Variants in CDK6 observed in about 807,000 individuals in gnomAD.
CDK6 encodes cyclin-dependent kinase 6.
CDK6 carries 6 observed loss-of-function variants against 37.1 expected under a neutral mutation model. The observed-to-expected ratio is 0.16, with a 90% CI of 0.09 to 0.32. CDK6 has a LOEUF of 0.32. Among genes scored for constraint, CDK6 ranks in the 10% least tolerant of loss-of-function variants. CDK6 has a pLI of 1.00. For synonymous variants in CDK6, 160 were observed against 161.3 expected (o/e 0.99, Z 0.06); for missense variants, 224 against 418.9 (o/e 0.53, Z 4.06).
At chr7:92,693,241 T>TAAGAGAAAGAGATACAAG in intron 4 of CDK6, among the ~76,000 whole-genome samples, 1 of 152,192 alleles carries the variant, frequency 6.6e-6, no homozygotes. Context: ...TTACCTGGGT[T>TAAGAGAAAGAGATACAAG]AAGAGAAAGA....
Position 92,606,222 on chromosome 7 carries a change from C to T in CDK6, c.*8918G>A, listed in dbSNP as rs2116458280. 8.6e-6 allele frequency: 2 copies of T among 233,422 alleles called. No individual in the cohort carries two copies. Among genetic ancestry groups the T allele is most frequent in the East Asian group, 1.2e-4 (2 of 16,548 alleles). 14.5% of individuals were successfully genotyped at this position (233,422 alleles called of 1,614,324 possible). ...TTAGTTTTTCTCTTGGTACCACAGC[C>T]AAAACTGAATGCTCTGTACAATGAC... is the stretch of plus-strand genomic sequence containing the variant. On this transcript the variant is annotated 3_prime_UTR_variant, in exon 8 of 8. Transcript: ENST00000424848.
chr7:92,640,169 G>T (rs1796270160), intron 5 of CDK6, among the ~76,000 whole-genome samples: 1 of 152,150 alleles, frequency 6.6e-6, no homozygotes, highest in African/African-American at 2.4e-5. Flanking sequence ...GAACGTATAT[G>T]TATCCTGCAC....
chr7:92,703,493 A>C (rs899501327), intron 4 of CDK6, among the ~76,000 whole-genome samples: 1 of 152,232 alleles, frequency 6.6e-6, no homozygotes, highest in East Asian at 1.9e-4. Flanking sequence ...AAATGACCTC[A>C]TTAATCATTA....
At chr7:92,772,951 T>TA (rs953789117) in intron 3 of CDK6, among the ~76,000 whole-genome samples, 7 of 151,902 alleles carry the variant, frequency 4.6e-5, no homozygotes, top group Admixed American at 3.9e-4. Context: ...TCTGTTTTTT[T>TA]AAAAAAAAGA....
rs1021132016 is a variant in CDK6, at chr7:92,816,909, G to C, written c.233+16182C>G. On this transcript the variant is annotated intron_variant, in intron 2 of 7. Transcript: ENST00000424848. ...TTCTACAGACATTAAAAAAGATAAG[G>C]AGTTAAAGAATCTATACCAATAAAC... is the stretch of plus-strand genomic sequence containing the variant. Among the ~76,000 whole-genome samples the C allele has an allele frequency of 1.1e-4, 17 of 151,736 alleles. No homozygotes were observed. In the East Asian group the frequency reaches 2.5e-3, roughly 22 times the overall value.
At chr7:92,794,704 T>C (rs899466167) in intron 2 of CDK6, among the ~76,000 whole-genome samples, 5 of 152,074 alleles carry the variant, frequency 3.3e-5, no homozygotes, top group Admixed American at 6.6e-5. Context: ...TACCACAACA[T>C]ACCTGACTCA....
intron 2 of CDK6, among the ~76,000 whole-genome samples, chr7:92,831,159 C>T (rs1172239167): frequency 6.6e-6 from 1 of 152,132 alleles, no homozygotes; most frequent in Non-Finnish European, 1.5e-5. Flanking sequence ...ATTCACAGTA[C>T]AGAATCCAAG....
At chr7:92,689,262 A>G (rs1797544371) in intron 4 of CDK6, among the ~76,000 whole-genome samples, 1 of 151,628 alleles carries the variant, frequency 6.6e-6, no homozygotes, top group Admixed American at 6.6e-5. Flanking sequence ...TCCACCCTCC[A>G]ATAGGCCCCA....
At chr7:92,796,048 G>C (rs1214210019) in intron 2 of CDK6, among the ~76,000 whole-genome samples, 3 of 147,868 alleles carry the variant, frequency 2.0e-5, no homozygotes, top group African/African-American at 5.0e-5. Context: ...TACCTAAATG[G>C]AGGACAAAGG....
chr7:92,672,202 C>CACAG (rs1439205822), intron 4 of CDK6, among the ~76,000 whole-genome samples: 4 of 124,222 alleles, frequency 3.2e-5, no homozygotes, highest in Non-Finnish European at 6.7e-5. Flanking sequence ...CACACACACA[C>CACAG]ACACACACAC....
intron 4 of CDK6, among the ~76,000 whole-genome samples, chr7:92,685,468 C>T (rs552691096): frequency 1.2e-4 from 18 of 152,266 alleles, no homozygotes; most frequent in African/African-American, 2.6e-4. Flanking sequence ...TTCAAAGAAA[C>T]GCTATATTTC....
At chr7:92,831,775 G>C (rs760826081) in intron 2 of CDK6, among the ~76,000 whole-genome samples, 1 of 152,070 alleles carries the variant, frequency 6.6e-6, no homozygotes, top group Non-Finnish European at 1.5e-5. Context: ...AACTGCGTTG[G>C]GAACAAAGCA....
At chr7:92,717,695 A>G (rs146350230) in intron 4 of CDK6, among the ~76,000 whole-genome samples, 29 of 152,170 alleles carry the variant, frequency 1.9e-4, no homozygotes, top group Admixed American at 1.9e-3. Flanking sequence ...ACTAATTCGC[A>G]ACAGTGACCA....
chr7:92,606,950 A>C lies in CDK6; in HGVS notation c.*8190T>G, dbSNP rs1374621862. ...AACCTCAAATACCAAAAAATGCAAC[A>C]AGCTTTTGAGGTGTTGGGAATTGTT... On this transcript the variant is annotated 3_prime_UTR_variant, in exon 8 of 8. Coordinates refer to ENST00000424848, the MANE Select transcript of CDK6 (RefSeq NM_001145306.2). The C allele has an allele frequency of 4.3e-6, 1 of 232,996 alleles. No homozygotes were observed. The highest frequency in any genetic ancestry group is 2.2e-5 in the African/African-American group (1 of 45,356). The allele number at this position is 232,996 out of a possible 1,614,324, so 14.4% of individuals were successfully genotyped here.
intron 2 of CDK6, among the ~76,000 whole-genome samples, chr7:92,814,718 C>A (rs1284897251): frequency 6.6e-6 from 1 of 151,858 alleles, no homozygotes; most frequent in Admixed American, 6.6e-5. Flanking sequence ...GTCCCACATA[C>A]ACAAAAAGGA....
intron 2 of CDK6, among the ~76,000 whole-genome samples, chr7:92,797,068 C>T (rs183546126): frequency 8.2e-4 from 125 of 152,216 alleles, no homozygotes; most frequent in Non-Finnish European, 1.5e-3. Context: ...GGTACTTTTA[C>T]AAAAAGTATG....
chr7:92,737,752 G>A (rs950237304), intron 3 of CDK6, among the ~76,000 whole-genome samples: 1 of 152,192 alleles, frequency 6.6e-6, no homozygotes, highest in East Asian at 1.9e-4. Context: ...TGAACTGTGT[G>A]CATTCCAATA....
intron 2 of CDK6, among the ~76,000 whole-genome samples, chr7:92,817,693 TA>T (rs1365700063): frequency 4.6e-5 from 7 of 151,764 alleles, no homozygotes; most frequent in East Asian, 3.9e-4. Flanking sequence ...TATATATATA[TA>T]GGGGGGAAAG....
chr7:92,678,995 G>A (rs1797271438), intron 4 of CDK6, among the ~76,000 whole-genome samples: 1 of 152,126 alleles, frequency 6.6e-6, no homozygotes, highest in Admixed American at 6.5e-5. Flanking sequence ...TCCAGTAACT[G>A]CTTCCCCTCT....
Sources: allele counts gnomAD v4.1 joint callset (sites outside exome capture counted in the v4.1 genomes callset), GRCh38; gene constraint gnomAD v4.1.1; transcripts MANE v1.5; gene names NCBI Gene and HGNC (gene_info 2026-07-23, HGNC 2026-07-21).